The following DOK5 variants were observed in gnomAD, a reference collection of about 807,000 sequenced individuals.
DOK5 encodes downstream of tyrosine kinase 5.
Under a neutral mutation model 43.3 loss-of-function variants are expected in DOK5, and 27 were observed. The ratio of observed to expected loss-of-function variants is 0.62; its 90% CI spans 0.46 to 0.86. The LOEUF is 0.86. DOK5 is among the 40% of genes least tolerant of loss of function. DOK5 has a pLI of 0.00. For synonymous variants in DOK5, 146 were observed against 140.1 expected (o/e 1.04, Z -0.30); for missense variants, 373 against 392.9 (o/e 0.95, Z 0.43).
At chr20:54,608,219 G>T (rs945230395) in intron 5 of DOK5, among the ~76,000 whole-genome samples, 3 of 152,032 alleles carry the variant, frequency 2.0e-5, no homozygotes, top group Non-Finnish European at 4.4e-5. Flanking sequence ...TGAGTAACAG[G>T]TACCTTCATT....
chr20:54,559,457 A>T (rs1984827282), intron 2 of DOK5, among the ~76,000 whole-genome samples: 1 of 152,216 alleles, frequency 6.6e-6, no homozygotes, highest in East Asian at 1.9e-4. Flanking sequence ...TTCACCTTGG[A>T]CCAGAAGGAC....
At chr20:54,491,908 C>T (rs573773032) in intron 1 of DOK5, among the ~76,000 whole-genome samples, 1 of 148,386 alleles carries the variant, frequency 6.7e-6, no homozygotes, top group Non-Finnish European at 1.5e-5. Context: ...TAATTTCTGG[C>T]AAAGAATGGC....
chr20:54,485,289 GT>G (rs1225340406), intron 1 of DOK5, among the ~76,000 whole-genome samples: 8 of 150,938 alleles, frequency 5.3e-5, no homozygotes, highest in Non-Finnish European at 1.0e-4. Flanking sequence ...AGCGGCGGAG[GT>G]TGCAGTGAGC....
chr20:54,571,881 C>T (rs1297648470), intron 2 of DOK5, among the ~76,000 whole-genome samples: 2 of 152,166 alleles, frequency 1.3e-5, no homozygotes, highest in African/African-American at 4.8e-5. Context: ...CTCTTCCCTA[C>T]GTTTTCATCA....
chr20:54,476,161 C>T, intron 1 of DOK5, 149 bp downstream of exon 1: 1 of 1,514,302 alleles, frequency 6.6e-7, no homozygotes, highest in Non-Finnish European at 8.8e-7. Context: ...GTCTCCGGGG[C>T]TGTCACTGTA....
chr20:54,559,978 C>A (rs1817767952), intron 2 of DOK5, among the ~76,000 whole-genome samples: 2 of 152,066 alleles, frequency 1.3e-5, no homozygotes, highest in Admixed American at 1.3e-4. Flanking sequence ...GTCATTCTAC[C>A]CTTTATAGTG....
chr20:54,519,715 A>G (rs1983325152), intron 1 of DOK5, among the ~76,000 whole-genome samples: 1 of 152,226 alleles, frequency 6.6e-6, no homozygotes, highest in Non-Finnish European at 1.5e-5. Context: ...CTGTTTAAAT[A>G]TGATGCCATA....
chr20:54,543,567 GTGTA>G (rs1160542254), intron 1 of DOK5, among the ~76,000 whole-genome samples: 23 of 151,232 alleles, frequency 1.5e-4, no homozygotes, highest in African/African-American at 5.1e-4. Flanking sequence ...GTGTGTGTGT[GTGTA>G]TGTGTGTGTG....
chr20:54,526,030 A>G (rs1335947642), intron 1 of DOK5, among the ~76,000 whole-genome samples: 1 of 152,072 alleles, frequency 6.6e-6, no homozygotes, highest in Non-Finnish European at 1.5e-5. Flanking sequence ...TGTGGCAACC[A>G]CTTTCCCTCA....
intron 1 of DOK5, among the ~76,000 whole-genome samples, chr20:54,528,112 G>A (rs780562369): frequency 1.3e-5 from 2 of 152,150 alleles, no homozygotes; most frequent in Admixed American, 6.6e-5. Context: ...GGAGGCTGAG[G>A]CAGGAGAATC....
At chr20:54,599,809 C>T (rs745472811) in intron 5 of DOK5, among the ~76,000 whole-genome samples, 11 of 152,174 alleles carry the variant, frequency 7.2e-5, no homozygotes, top group Non-Finnish European at 1.5e-4. Flanking sequence ...TTCCTTTATG[C>T]AATATTCACC....
intron 2 of DOK5, among the ~76,000 whole-genome samples, chr20:54,563,573 G>A (rs1984984104): frequency 6.7e-6 from 1 of 150,048 alleles, no homozygotes; most frequent in Non-Finnish European, 1.5e-5. Context: ...CCCCATAAAT[G>A]TTCTGATACT....
At chr20:54,595,262 C>T (rs1986105145) in intron 5 of DOK5, among the ~76,000 whole-genome samples, 1 of 152,082 alleles carries the variant, frequency 6.6e-6, no homozygotes, top group Non-Finnish European at 1.5e-5. Flanking sequence ...AATGCGTGAA[C>T]CCGGGAGGCG....
At chr20:54,522,612 C>T (rs970205505) in intron 1 of DOK5, among the ~76,000 whole-genome samples, 3 of 151,158 alleles carry the variant, frequency 2.0e-5, no homozygotes, top group South Asian at 4.2e-4. Flanking sequence ...CTCTGTCTCC[C>T]GGGTTCAAGC....
intron 2 of DOK5, among the ~76,000 whole-genome samples, chr20:54,563,137 C>T (rs1406806002): frequency 2.0e-5 from 3 of 152,192 alleles, no homozygotes; most frequent in Non-Finnish European, 4.4e-5. Context: ...ATGGAACAGA[C>T]TCTCCCTCAC....
At chr20:54,557,144 A>G (rs1984732779) in intron 2 of DOK5, among the ~76,000 whole-genome samples, 1 of 152,136 alleles carries the variant, frequency 6.6e-6, no homozygotes, top group African/African-American at 2.4e-5. Context: ...AGTCTGTTCG[A>G]AACACTTATA....
At chr20:54,478,631 G>A (rs1444871950) in intron 1 of DOK5, among the ~76,000 whole-genome samples, 1 of 152,190 alleles carries the variant, frequency 6.6e-6, no homozygotes, top group African/African-American at 2.4e-5. Context: ...TGTTCCTGGT[G>A]CCAAGGAATA....
intron 2 of DOK5, among the ~76,000 whole-genome samples, chr20:54,573,761 C>T (rs1047886500): frequency 2.0e-5 from 3 of 150,890 alleles, no homozygotes; most frequent in East Asian, 3.9e-4. Context: ...GTGTCTTCCA[C>T]GTAATGACCT....
At chr20:54,621,707 A>G (rs1986981982) in intron 6 of DOK5, among the ~76,000 whole-genome samples, 2 of 151,944 alleles carry the variant, frequency 1.3e-5, no homozygotes, top group African/African-American at 2.4e-5. Context: ...AAAAATCACG[A>G]TTAAAGATGA....
Sources: gnomAD v4.1 joint callset for allele counts (sites outside exome capture counted in the v4.1 genomes callset) on GRCh38, gnomAD v4.1.1 for gene constraint, MANE v1.5 for transcripts, NCBI Gene and HGNC (gene_info 2026-07-23, HGNC 2026-07-21) for gene names.